Variants in NMNAT2 observed in about 807,000 individuals in gnomAD.
NMNAT2 encodes the protein nicotinamide nucleotide adenylyltransferase 2.
Under a neutral mutation model 41.6 loss-of-function variants are expected in NMNAT2, and 11 were observed. That is an observed-to-expected ratio of 0.26 (90% CI 0.17 to 0.44). NMNAT2 has a LOEUF of 0.44. Among genes scored for constraint, NMNAT2 ranks in the 20% least tolerant of loss-of-function variants. The pLI, the probability that NMNAT2 is intolerant of heterozygous loss-of-function variation, is 1.00. For missense variants in NMNAT2, 288 were observed against 407.7 expected (o/e 0.71, Z 2.53); for synonymous variants, 148 against 151.2 (o/e 0.98, Z 0.16).
intron 1 of NMNAT2, among the ~76,000 whole-genome samples, chr1:183,362,431 C>T (rs1224905252): frequency 6.6e-6 from 1 of 152,210 alleles, no homozygotes; most frequent in African/African-American, 2.4e-5. Context: ...CCCCACCGCC[C>T]CCTGGCCCTG....
At chr1:183,289,593 T>A (rs562319687) in intron 4 of NMNAT2, among the ~76,000 whole-genome samples, 2 of 152,330 alleles carry the variant, frequency 1.3e-5, no homozygotes, top group East Asian at 3.9e-4. Flanking sequence ...TCAGACACCA[T>A]CTGCCTGTGG....
At chr1:183,284,277 A>G (rs939057818) in intron 6 of NMNAT2, among the ~76,000 whole-genome samples, 2 of 152,226 alleles carry the variant, frequency 1.3e-5, no homozygotes, top group African/African-American at 4.8e-5. Context: ...AGAATGAGAC[A>G]GCCTGGCTGG....
chr1:183,417,520 A>G (rs1470689349), intron 1 of NMNAT2, among the ~76,000 whole-genome samples: 2 of 151,976 alleles, frequency 1.3e-5, no homozygotes, highest in Non-Finnish European at 2.9e-5. Context: ...TCCCCGTCCT[A>G]GGCAGCGGGT....
At chr1:183,321,466 C>T (rs1194296050) in intron 1 of NMNAT2, among the ~76,000 whole-genome samples, 2 of 152,258 alleles carry the variant, frequency 1.3e-5, no homozygotes, top group African/African-American at 2.4e-5. Flanking sequence ...TTTGGCCAGG[C>T]GCGGTGGCTC....
At chr1:183,307,055 G>GA (rs79262593) in intron 1 of NMNAT2, among the ~76,000 whole-genome samples, 67 of 149,150 alleles carry the variant, frequency 4.5e-4, no homozygotes, top group African/African-American at 1.4e-3. Context: ...AAAACTCTTT[G>GA]AAAAAAAAAA....
intron 1 of NMNAT2, among the ~76,000 whole-genome samples, chr1:183,397,399 A>C (rs952622865): frequency 2.0e-5 from 3 of 152,204 alleles, no homozygotes; most frequent in South Asian, 2.1e-4. Context: ...GCCTCCAAGC[A>C]ATATAGGACT....
chr1:183,314,458 G>A (rs991938132), intron 1 of NMNAT2, among the ~76,000 whole-genome samples: 1 of 152,200 alleles, frequency 6.6e-6, no homozygotes, highest in Non-Finnish European at 1.5e-5. Flanking sequence ...GCAGCTCCAG[G>A]TCAGTCCTGT....
chr1:183,343,203 A>G (rs1011332831), intron 1 of NMNAT2, among the ~76,000 whole-genome samples: 1 of 152,172 alleles, frequency 6.6e-6, no homozygotes, highest in Admixed American at 6.5e-5. Flanking sequence ...CAAGCCGTGT[A>G]CTGGTGATTC....
intron 8 of NMNAT2, among the ~76,000 whole-genome samples, chr1:183,271,902 G>T (rs1475764649): frequency 1.3e-5 from 2 of 152,172 alleles, no homozygotes; most frequent in East Asian, 3.9e-4. Flanking sequence ...ACAGGAGCCT[G>T]CCACCACGCC....
chr1:183,286,279 GT>G (rs1661396287), intron 5 of NMNAT2, among the ~76,000 whole-genome samples: 1 of 151,760 alleles, frequency 6.6e-6, no homozygotes, highest in Admixed American at 6.6e-5. Context: ...TTTGGTACAG[GT>G]GGGGTTTCGT....
At chr1:183,276,665 A>G (rs1341752406) in intron 8 of NMNAT2, among the ~76,000 whole-genome samples, 1 of 152,232 alleles carries the variant, frequency 6.6e-6, no homozygotes, top group Non-Finnish European at 1.5e-5. Context: ...TCGTCCCTCT[A>G]AATTCCTCCA....
intron 8 of NMNAT2, among the ~76,000 whole-genome samples, chr1:183,278,233 G>T (rs192293602): frequency 1.3e-5 from 2 of 152,244 alleles, no homozygotes; most frequent in Admixed American, 6.5e-5. Context: ...AATCTTAAAA[G>T]GGCAAAGATT....
At chr1:183,338,935 T>C (rs536742969) in intron 1 of NMNAT2, among the ~76,000 whole-genome samples, 1 of 151,752 alleles carries the variant, frequency 6.6e-6, no homozygotes, top group East Asian at 1.9e-4. Flanking sequence ...TGAAACAGGG[T>C]GGGAAGGGCA....
chr1:183,341,458 G>A (rs1035891535), intron 1 of NMNAT2, among the ~76,000 whole-genome samples: 6 of 146,924 alleles, frequency 4.1e-5, no homozygotes, highest in Admixed American at 2.8e-4. Flanking sequence ...CAGGTGGATC[G>A]CTTGAGCTCA....
intron 1 of NMNAT2, among the ~76,000 whole-genome samples, chr1:183,359,434 ACTGT>A (rs1663261364): frequency 1.3e-5 from 2 of 152,212 alleles, no homozygotes; most frequent in African/African-American, 2.4e-5. Context: ...AGATTCTCAC[ACTGT>A]CTGGTTGCAT....
At chr1:183,370,997 G>A (rs1663526880) in intron 1 of NMNAT2, among the ~76,000 whole-genome samples, 3 of 152,084 alleles carry the variant, frequency 2.0e-5, no homozygotes, top group Non-Finnish European at 1.5e-5. Flanking sequence ...ACGGTGCGCC[G>A]CATGTTTTTA....
chr1:183,366,397 C>T (rs1162734078), intron 1 of NMNAT2, among the ~76,000 whole-genome samples: 1 of 152,162 alleles, frequency 6.6e-6, no homozygotes, highest in Non-Finnish European at 1.5e-5. Context: ...AAATTAAGCA[C>T]CATGTAAGCA....
At chr1:183,273,537 C>A (rs1390396441) in intron 8 of NMNAT2, among the ~76,000 whole-genome samples, 1 of 152,152 alleles carries the variant, frequency 6.6e-6, no homozygotes, top group Non-Finnish European at 1.5e-5. Flanking sequence ...TCCAGGCAAA[C>A]CCCAGATGGT....
At chr1:183,331,217 C>T (rs1041437678) in intron 1 of NMNAT2, among the ~76,000 whole-genome samples, 5 of 143,616 alleles carry the variant, frequency 3.5e-5, no homozygotes, top group Non-Finnish European at 3.1e-5. Context: ...AGCACTGGAA[C>T]TGGAAAGAGG....
Sources: allele counts gnomAD v4.1 joint callset (sites outside exome capture counted in the v4.1 genomes callset), GRCh38; gene constraint gnomAD v4.1.1; transcripts MANE v1.5; gene names NCBI Gene and HGNC (gene_info 2026-07-23, HGNC 2026-07-21).